The following NSMAF variants were observed in gnomAD, a reference collection of about 807,000 sequenced individuals.
NSMAF encodes neutral sphingomyelinase activation associated factor.
NSMAF carries 90 observed loss-of-function variants against 134.9 expected under a neutral mutation model. That is an observed-to-expected ratio of 0.67 (90% confidence interval 0.56 to 0.79). The LOEUF is 0.79. Ranked by LOEUF, NSMAF falls within the 30% of genes least tolerant of loss-of-function variation. The pLI, the probability that NSMAF is intolerant of heterozygous loss-of-function variation, is 0.00. For missense variants in NSMAF, 1,010 were observed against 1,119.0 expected (o/e 0.90, Z 1.39); for synonymous variants, 358 against 389.6 (o/e 0.92, Z 0.96).
At chr8:58,657,410 A>AAAG (rs1278692254) in intron 1 of NSMAF, among the ~76,000 whole-genome samples, 1 of 152,256 alleles carries the variant, frequency 6.6e-6, no homozygotes, top group African/African-American at 2.4e-5. Context: ...TTTTCCAAGA[A>AAAG]AAGTAACAAT....
At chr8:58,636,981 G>T (rs1807187391) in intron 2 of NSMAF, among the ~76,000 whole-genome samples, 1 of 151,818 alleles carries the variant, frequency 6.6e-6, no homozygotes, top group Admixed American at 6.6e-5. Flanking sequence ...ATGAGTTGTT[G>T]TCTTCCTATC....
intron 6 of NSMAF, among the ~76,000 whole-genome samples, chr8:58,625,418 A>ATGTATGTATGTATGTATG (rs1806905915): frequency 1.1e-5 from 1 of 92,500 alleles, no homozygotes; most frequent in Admixed American, 9.6e-5. Flanking sequence ...ATGTATGTAT[A>ATGTATGTATGTATGTATG]TATATGTGTG....
chr8:58,612,141 A>G (rs1295464156), intron 9 of NSMAF, among the ~76,000 whole-genome samples: 1 of 152,160 alleles, frequency 6.6e-6, no homozygotes, highest in Non-Finnish European at 1.5e-5. Flanking sequence ...TAATGAGGCA[A>G]CTGTGTATGG....
chr8:58,585,317 G>GTTA lies in NSMAF; in HGVS notation c.2659+334_2659+335insTAA, dbSNP rs1554572269. On this transcript the variant is annotated intron_variant, in intron 30 of 30. Transcript: ENST00000038176. ...GTAGTTCCTATTGTATTGTTTCTGG[G>GTTA]TTTTTTTTTTTTCTCTTTTTTTACT... Among the ~76,000 whole-genome samples, 21 of 144,368 alleles carry GTTA rather than the reference G, an allele frequency of 1.5e-4. 2 individuals carry two copies. Among genetic ancestry groups the GTTA allele is most frequent in the African/African-American group, 4.9e-4 (19 of 39,134 alleles). 94.7% of individuals were successfully genotyped at this position (144,368 alleles called of 152,430 possible).
intron 9 of NSMAF, among the ~76,000 whole-genome samples, chr8:58,617,654 G>A: frequency 6.6e-6 from 1 of 151,874 alleles, no homozygotes; most frequent in Non-Finnish European, 1.5e-5. Flanking sequence ...TAAAAAGTCA[G>A]GAAACAACAG....
chr8:58,609,941 G>T (rs1806490040), intron 9 of NSMAF, among the ~76,000 whole-genome samples: 1 of 152,072 alleles, frequency 6.6e-6, no homozygotes, highest in South Asian at 2.1e-4. Flanking sequence ...AAAGAAATAG[G>T]TGAGATTATC....
At chr8:58,630,594 C>A (rs1221600710) in intron 6 of NSMAF, among the ~76,000 whole-genome samples, 1 of 152,124 alleles carries the variant, frequency 6.6e-6, no homozygotes, top group Non-Finnish European at 1.5e-5. Context: ...GAGCAGTGTA[C>A]GAGAGGCATT....
At chr8:58,612,457 A>G (rs1421423261) in intron 9 of NSMAF, among the ~76,000 whole-genome samples, 1 of 152,128 alleles carries the variant, frequency 6.6e-6, no homozygotes, top group Non-Finnish European at 1.5e-5. Flanking sequence ...CTGGCTGTTC[A>G]TCTGTACCCT....
At chr8:58,612,014 G>T (rs769831180) in intron 9 of NSMAF, among the ~76,000 whole-genome samples, 1 of 152,124 alleles carries the variant, frequency 6.6e-6, no homozygotes, top group Non-Finnish European at 1.5e-5. Context: ...GTAATTTCCC[G>T]AGTGACAGAG....
intron 6 of NSMAF, among the ~76,000 whole-genome samples, chr8:58,626,729 G>A (rs777197202): frequency 1.3e-5 from 2 of 152,168 alleles, no homozygotes; most frequent in Non-Finnish European, 2.9e-5. Context: ...ATACCTGACA[G>A]TGGGATTGCT....
chr8:58,637,747 A>G (rs1349338954), intron 2 of NSMAF, among the ~76,000 whole-genome samples: 1 of 152,212 alleles, frequency 6.6e-6, no homozygotes, highest in Admixed American at 6.5e-5. Flanking sequence ...TTCAATTTAT[A>G]AAAGCACCAA....
chr8:58,611,579 G>A (rs575170737), intron 9 of NSMAF, among the ~76,000 whole-genome samples: 1 of 152,020 alleles, frequency 6.6e-6, no homozygotes, highest in Non-Finnish European at 1.5e-5. Context: ...CAGAGAAATA[G>A]AAACTATGAA....
chr8:58,618,622 C>T (rs370037726), intron 9 of NSMAF, among the ~76,000 whole-genome samples: 1 of 151,858 alleles, frequency 6.6e-6, no homozygotes, highest in African/African-American at 2.4e-5. Flanking sequence ...CACACACACA[C>T]ACAGAGCAAC....
chr8:58,585,981 GCTGAGGA>G lies in NSMAF; in HGVS notation c.2459_2465del (p.Val820AlafsTer22). On this transcript the variant is annotated frameshift_variant, in exon 29 of 31. Coordinates refer to ENST00000038176, the MANE Select transcript of NSMAF (RefSeq NM_003580.4). LOFTEE classifies it high-confidence loss of function. Reference sequence around the variant, plus strand: ...CATTAAGACAGCCATCTGTTCCTGTGCTGAGGACATGGCGACTATCTGCAACACAAGG... The same window carrying G: ...CATTAAGACAGCCATCTGTTCCTGTGCATGGCGACTATCTGCAACACAAGG... 1 of 1,613,862 alleles carries G rather than the reference GCTGAGGA, an allele frequency of 6.2e-7. No individual in the cohort carries two copies. Among genetic ancestry groups the G allele is most frequent in the Non-Finnish European group, 8.5e-7 (1 of 1,179,840 alleles).
At chr8:58,651,674 A>G (rs1414523861) in intron 1 of NSMAF, among the ~76,000 whole-genome samples, 1 of 152,238 alleles carries the variant, frequency 6.6e-6, no homozygotes, top group Non-Finnish European at 1.5e-5. Flanking sequence ...TATATGTACT[A>G]TCAAGAAGTT....
At chr8:58,598,049 G>A (rs1314767897) in intron 19 of NSMAF, 147 bp from the exon 20 acceptor site, 1 of 604,690 alleles carries the variant, frequency 1.7e-6, no homozygotes, top group East Asian at 2.8e-5. Flanking sequence ...TCCAACTGCA[G>A]TAAATACCAA....
rs151164453 is a variant in NSMAF at position 58,589,369 on chromosome 8, C to T, written c.2211+83G>A. 1.4e-3 allele frequency: 1,588 copies of T among 1,130,088 alleles called. 18 individuals are homozygous for T. In the African/African-American group the frequency reaches 0.023, roughly 17 times the overall value. The allele number at this position is 1,130,088 out of a possible 1,614,324, so 70.0% of individuals were successfully genotyped here. Reference sequence around the variant, plus strand: ...TAGGTAGTTGAGTGGCTTATAATATCTGTATGTACATTTTAAGCTAAAAAT... The same window carrying T: ...TAGGTAGTTGAGTGGCTTATAATATTTGTATGTACATTTTAAGCTAAAAAT... On this transcript the variant is annotated intron_variant, in intron 26 of 30. Coordinates refer to ENST00000038176, the MANE Select transcript of NSMAF (RefSeq NM_003580.4).
intron 1 of NSMAF, among the ~76,000 whole-genome samples, chr8:58,651,786 A>C (rs929891311): frequency 2.0e-5 from 3 of 152,258 alleles, no homozygotes; most frequent in Non-Finnish European, 1.5e-5. Context: ...TAGTGTGCAC[A>C]CAATCAACTG....
At chr8:58,653,694 T>G (rs1341181667) in intron 1 of NSMAF, among the ~76,000 whole-genome samples, 1 of 152,066 alleles carries the variant, frequency 6.6e-6, no homozygotes, top group Non-Finnish European at 1.5e-5. Context: ...AATCTATGAG[T>G]TGGACATTTT....
Sources: allele counts gnomAD v4.1 joint callset (sites outside exome capture counted in the v4.1 genomes callset), GRCh38; gene constraint gnomAD v4.1.1; transcripts MANE v1.5; gene names NCBI Gene and HGNC (gene_info 2026-07-23, HGNC 2026-07-21).